Variants in DOCK4 observed in about 807,000 individuals in gnomAD.
DOCK4 encodes dedicator of cytokinesis 4.
In DOCK4, 97 loss-of-function variants were observed where a neutral mutation model predicts 268.1. The ratio of observed to expected loss-of-function variants is 0.36; its 90% CI spans 0.31 to 0.43. The LOEUF (loss-of-function observed/expected upper bound fraction) is 0.43. Among genes scored for constraint, DOCK4 ranks in the 20% least tolerant of loss-of-function variants. The pLI, the probability that DOCK4 is intolerant of heterozygous loss-of-function variation, is 1.00. For missense variants in DOCK4, 2,145 were observed against 2,455.7 expected (o/e 0.87, Z 2.67); for synonymous variants, 954 against 887.2 (o/e 1.08, Z -1.34).
intron 1 of DOCK4, among the ~76,000 whole-genome samples, chr7:112,145,607 AC>A (rs1815403522): frequency 6.6e-6 from 1 of 152,238 alleles, no homozygotes; most frequent in Admixed American, 6.5e-5. Flanking sequence ...TAATCTGTAT[AC>A]AAACCTAACA....
intron 1 of DOCK4, among the ~76,000 whole-genome samples, chr7:112,070,393 T>C (rs1372073513): frequency 6.6e-6 from 1 of 152,154 alleles, no homozygotes; most frequent in African/African-American, 2.4e-5. Context: ...ATTAGGTTAG[T>C]GCAAAAGTAA....
At chr7:111,843,019 C>G (rs1431311302) in intron 25 of DOCK4, among the ~76,000 whole-genome samples, 1 of 152,070 alleles carries the variant, frequency 6.6e-6, no homozygotes, top group Non-Finnish European at 1.5e-5. Context: ...AATAACACAT[C>G]CTATCAAGAA....
At chr7:111,993,655 T>C (rs1799707717) in intron 5 of DOCK4, among the ~76,000 whole-genome samples, 1 of 152,210 alleles carries the variant, frequency 6.6e-6, no homozygotes, top group Non-Finnish European at 1.5e-5. Context: ...AATAAATATA[T>C]ACTACGTATC....
intron 1 of DOCK4, among the ~76,000 whole-genome samples, chr7:112,184,474 C>T (rs1252806213): frequency 6.6e-6 from 1 of 152,210 alleles, no homozygotes. Flanking sequence ...CTAACTCTAA[C>T]TTCTCTGAGG....
At chr7:111,867,117 C>A (rs188428164) in intron 22 of DOCK4, among the ~76,000 whole-genome samples, 42 of 152,312 alleles carry the variant, frequency 2.8e-4, no homozygotes, top group Middle Eastern at 6.8e-3. Context: ...GACCTCTCAA[C>A]AGTCAGAAAA....
chr7:112,197,971 A>G (rs1820606898), intron 1 of DOCK4, among the ~76,000 whole-genome samples: 1 of 15,544 alleles, frequency 6.4e-5, no homozygotes, highest in Non-Finnish European at 2.5e-4. Context: ...ACCTGCCTAG[A>G]AAAAAAAAAA....
intron 8 of DOCK4, among the ~76,000 whole-genome samples, chr7:111,962,001 T>C (rs375996655): frequency 6.6e-6 from 1 of 152,244 alleles, no homozygotes; most frequent in Non-Finnish European, 1.5e-5. Context: ...CAAGAGCTCA[T>C]ATACCTATCA....
chr7:112,107,338 G>C (rs1811224179), intron 1 of DOCK4, among the ~76,000 whole-genome samples: 1 of 152,182 alleles, frequency 6.6e-6, no homozygotes, highest in Non-Finnish European at 1.5e-5. Context: ...CACATGGATG[G>C]CATGCCCTAA....
chr7:112,121,994 T>C (rs1045941400), intron 1 of DOCK4, among the ~76,000 whole-genome samples: 2 of 152,176 alleles, frequency 1.3e-5, no homozygotes, highest in African/African-American at 2.4e-5. Context: ...CTCCTGACTA[T>C]AAAAAAATGC....
intron 1 of DOCK4, among the ~76,000 whole-genome samples, chr7:112,062,827 G>A (rs1806552637): frequency 6.6e-6 from 1 of 152,098 alleles, no homozygotes; most frequent in African/African-American, 2.4e-5. Flanking sequence ...ACAGGCGTGT[G>A]TCACCACGCC....
In DOCK4 at chr7:111,728,009, AG is replaced by A. The variant is rs1167022432; in HGVS notation, c.*264del. 3 of 370,562 alleles carry A rather than the reference AG, an allele frequency of 8.1e-6. No individual in the cohort carries two copies. Among genetic ancestry groups the A allele is most frequent in the African/African-American group, 2.1e-5 (1 of 48,040 alleles). 23.0% of individuals were successfully genotyped at this position (370,562 alleles called of 1,614,324 possible). A position where few individuals can be genotyped will look rare whatever the true frequency, so the allele number is the denominator to read the frequency against. ...TATATAAAAAAAAGTGAACATAAAA[AG>A]GTACAAAAGGAGTCTTTATCACTAT... On this transcript the variant is annotated 3_prime_UTR_variant, in exon 53 of 53. Coordinates refer to ENST00000428084, the MANE Select transcript of DOCK4 (RefSeq NM_001363540.2).
intron 14 of DOCK4, among the ~76,000 whole-genome samples, chr7:111,901,332 C>CA (rs398047987): frequency 0.028 from 2,066 of 74,484 alleles, 52 homozygotes; most frequent in South Asian, 0.035. Flanking sequence ...GATTCTGTCT[C>CA]AAAAAAAAAA....
chr7:111,964,226 G>C (rs1301486134), intron 8 of DOCK4, among the ~76,000 whole-genome samples: 1 of 126,308 alleles, frequency 7.9e-6, no homozygotes, highest in Non-Finnish European at 1.6e-5. Context: ...TTGACGAGCT[G>C]AGAGAAGGCT....
chr7:112,137,234 T>A (rs1345568669), intron 1 of DOCK4, among the ~76,000 whole-genome samples: 1 of 152,232 alleles, frequency 6.6e-6, no homozygotes, highest in Admixed American at 6.5e-5. Flanking sequence ...TTCTAGAAGA[T>A]AATTTATTTC....
intron 1 of DOCK4, among the ~76,000 whole-genome samples, chr7:112,013,799 C>T (rs1586641878): frequency 6.9e-6 from 1 of 145,262 alleles, no homozygotes; most frequent in East Asian, 1.9e-4. Flanking sequence ...TGTACCCTAA[C>T]TCCACTGCAC....
chr7:112,060,799 C>T (rs1209382352), intron 1 of DOCK4, among the ~76,000 whole-genome samples: 1 of 152,068 alleles, frequency 6.6e-6, no homozygotes, highest in East Asian at 1.9e-4. Context: ...ATGGAGGTTG[C>T]CAGGGGCTGG....
At chr7:112,039,969 T>TTCATACTGCTA (rs1804209042) in intron 1 of DOCK4, among the ~76,000 whole-genome samples, 1 of 152,170 alleles carries the variant, frequency 6.6e-6, no homozygotes, top group African/African-American at 2.4e-5. Context: ...AATTGCCTTA[T>TTCATACTGCTA]TCATACTGCT....
chr7:112,050,755 T>C (rs1202062130), intron 1 of DOCK4, among the ~76,000 whole-genome samples: 4 of 152,156 alleles, frequency 2.6e-5, no homozygotes, highest in Non-Finnish European at 5.9e-5. Context: ...ATTAGGAGAA[T>C]TGCTCATTTC....
chr7:111,747,533 G>T, intron 42 of DOCK4, 90 bp from the exon 43 acceptor site: 2 of 1,300,808 alleles, frequency 1.5e-6, no homozygotes, highest in Non-Finnish European at 2.1e-6. Flanking sequence ...AATTATCTGT[G>T]CTCCCCCTTG....
Sources: allele counts gnomAD v4.1 joint callset (sites outside exome capture counted in the v4.1 genomes callset), GRCh38; gene constraint gnomAD v4.1.1; transcripts MANE v1.5; gene names NCBI Gene and HGNC (gene_info 2026-07-23, HGNC 2026-07-21).